Variants in CNTN6 observed in about 807,000 individuals in gnomAD.
CNTN6 encodes the protein contactin 6.
CNTN6 carries 137 observed loss-of-function variants against 122.8 expected under a neutral mutation model. The observed-to-expected ratio is 1.12, with a 90% CI of 0.97 to 1.29. The LOEUF (loss-of-function observed/expected upper bound fraction) is 1.29, where lower values mean the gene tolerates loss of function less well. Among genes scored for constraint, CNTN6 ranks in the 50% most tolerant of loss-of-function variants. CNTN6 has a pLI of 0.00. For missense variants in CNTN6, 1,634 were observed against 1,223.4 expected (o/e 1.34, Z -5.01); for synonymous variants, 570 against 426.0 (o/e 1.34, Z -4.16).
chr3:1,148,013 G>A lies in CNTN6; in HGVS notation c.5G>A (p.Arg2Lys), dbSNP rs147049142. The stretch of plus-strand genomic sequence containing the variant: ...TTTTGACCTTAGAAAGTGGAAATGA[G>A]GTTGCTATGGAAACTGGTAATTCTG... The part of the protein sequence containing the change: M[R>K]LLWKLVILLP... The change falls in exon 2 of 23, where the codon AGG (arginine) becomes AAG (lysine). Residue 2 changes from arginine (R) to lysine (K), a missense_variant. Transcript: ENST00000446702. 1.2e-4 allele frequency: 187 copies of A among 1,606,414 alleles called. No homozygotes were observed. In the African/African-American group the frequency reaches 2.2e-3, roughly 19 times the overall value.
intron 2 of CNTN6, among the ~76,000 whole-genome samples, chr3:1,151,452 A>G (rs1175780932): frequency 7.2e-6 from 1 of 138,196 alleles, no homozygotes; most frequent in African/African-American, 3.5e-5. Flanking sequence ...TAACGTTTTA[A>G]AAGTTTTAAA....
chr3:1,189,807 C>A (rs1297015958), intron 2 of CNTN6, among the ~76,000 whole-genome samples: 2 of 152,190 alleles, frequency 1.3e-5, no homozygotes, highest in Non-Finnish European at 2.9e-5. Flanking sequence ...ACCATCTCTA[C>A]TATAAAGTGA....
intron 3 of CNTN6, among the ~76,000 whole-genome samples, chr3:1,226,561 C>G (rs2094286484): frequency 6.6e-6 from 1 of 152,060 alleles, no homozygotes; most frequent in Non-Finnish European, 1.5e-5. Context: ...ACAGAGAAAT[C>G]AAGAAGAATT....
intron 4 of CNTN6, among the ~76,000 whole-genome samples, chr3:1,243,059 C>G (rs1575386687): frequency 6.6e-6 from 1 of 152,200 alleles, no homozygotes; most frequent in South Asian, 2.1e-4. Context: ...GGCAATCAGG[C>G]AGCGTCAGTC....
chr3:1,149,142 T>A (rs1471672577), intron 2 of CNTN6, among the ~76,000 whole-genome samples: 1 of 152,200 alleles, frequency 6.6e-6, no homozygotes, highest in Non-Finnish European at 1.5e-5. Context: ...GCAATAATCG[T>A]GGCTGTTTTT....
chr3:1,098,789 CATATATATAT>C (rs1169127167), intron 1 of CNTN6, among the ~76,000 whole-genome samples: 13 of 63,254 alleles, frequency 2.1e-4, no homozygotes, highest in African/African-American at 3.0e-4. Context: ...CACACACACA[CATATATATAT>C]ATATATATAT....
chr3:1,200,322 CCGTGCCTGGCTCAGCATGTATTTTTAAT>C (rs554563588), intron 2 of CNTN6, among the ~76,000 whole-genome samples: 3 of 152,332 alleles, frequency 2.0e-5, no homozygotes, highest in African/African-American at 7.2e-5. Context: ...GCGTAAGCCA[CCGTGCCTGGCTCAGCATGTATTTTTAAT>C]TCAGCTCTTT....
At chr3:1,340,159 C>G (rs1396295359) in intron 11 of CNTN6, among the ~76,000 whole-genome samples, 4 of 152,140 alleles carry the variant, frequency 2.6e-5, no homozygotes, top group Non-Finnish European at 4.4e-5. Flanking sequence ...TTCTGAGAAG[C>G]TCTGACTCAA....
chr3:1,313,497 C>T (rs1036777302), intron 7 of CNTN6, among the ~76,000 whole-genome samples: 1 of 152,072 alleles, frequency 6.6e-6, no homozygotes, highest in Non-Finnish European at 1.5e-5. Flanking sequence ...CCTGTGTACT[C>T]ATTCTTATTT....
chr3:1,317,237 T>G lies in CNTN6; in HGVS notation c.762-4413T>G, dbSNP rs572259841. ...ATCATTATTTTTTGATAATTTGTTGTTTTTTCTTGCTGTGAGGATTCTAAA... is the reference window on the plus strand; with the variant it reads ...ATCATTATTTTTTGATAATTTGTTGGTTTTTCTTGCTGTGAGGATTCTAAA... On this transcript the variant is annotated intron_variant, in intron 7 of 22. Transcript: ENST00000446702. 7.5e-5 allele frequency among the ~76,000 whole-genome samples: 10 copies of G among 133,552 alleles called. No homozygotes were observed. In the South Asian group the frequency reaches 2.1e-3, roughly 29 times the overall value. 87.6% of individuals were successfully genotyped at this position (133,552 alleles called of 152,430 possible).
chr3:1,258,017 A>G (rs1411659201), intron 4 of CNTN6, among the ~76,000 whole-genome samples: 3 of 152,218 alleles, frequency 2.0e-5, no homozygotes, highest in Admixed American at 1.3e-4. Flanking sequence ...TTATTTGGCT[A>G]TATGTTTGCC....
chr3:1,110,969 A>G (rs1186263042), intron 1 of CNTN6, among the ~76,000 whole-genome samples: 2 of 152,186 alleles, frequency 1.3e-5, no homozygotes, highest in African/African-American at 2.4e-5. Flanking sequence ...ACCACTTACT[A>G]CATGATTGGC....
chr3:1,369,338 A>C (rs1395303016), intron 12 of CNTN6, among the ~76,000 whole-genome samples: 1 of 149,208 alleles, frequency 6.7e-6, no homozygotes, highest in Non-Finnish European at 1.5e-5. Flanking sequence ...GTAGACGTTC[A>C]TCTCTGTGAA....
intron 5 of CNTN6, among the ~76,000 whole-genome samples, chr3:1,281,263 A>T (rs1693368843): frequency 6.6e-6 from 1 of 152,152 alleles, no homozygotes; most frequent in African/African-American, 2.4e-5. Flanking sequence ...TAAAGGCTCC[A>T]TATTTCCTAC....
At chr3:1,099,348 G>A (rs1459777648) in intron 1 of CNTN6, among the ~76,000 whole-genome samples, 2 of 152,058 alleles carry the variant, frequency 1.3e-5, no homozygotes, top group South Asian at 2.1e-4. Flanking sequence ...CTACTGGGGA[G>A]GCTGAGGCGG....
chr3:1,266,493 C>T (rs2094928249), intron 4 of CNTN6, among the ~76,000 whole-genome samples: 1 of 152,194 alleles, frequency 6.6e-6, no homozygotes, highest in South Asian at 2.1e-4. Context: ...AATGTTCTTG[C>T]TTCACGCTTC....
At chr3:1,270,850 C>A (rs1360996056) in intron 4 of CNTN6, among the ~76,000 whole-genome samples, 2 of 152,118 alleles carry the variant, frequency 1.3e-5, no homozygotes, top group African/African-American at 4.8e-5. Flanking sequence ...GGTGGTTAAG[C>A]GAATGCACTC....
At chr3:1,399,449 TAGTA>T (rs3836233) in intron 20 of CNTN6, among the ~76,000 whole-genome samples, 4,009 of 152,238 alleles carry the variant, frequency 0.026, 57 homozygotes, top group Non-Finnish European at 0.037. Flanking sequence ...AATGGATGCT[TAGTA>T]AGCTAAAAGC....
At chr3:1,119,323 G>GTGTGTGTGTGTGTGTGTGTGTGTT (rs2091859567) in intron 1 of CNTN6, among the ~76,000 whole-genome samples, 3 of 4,072 alleles carry the variant, frequency 7.4e-4, no homozygotes, top group African/African-American at 5.0e-3. Flanking sequence ...CAGAAAAATC[G>GTGTGTGTGTGTGTGTGTGTGTGTT]TGTGTGTGTG....
Sources: gnomAD v4.1 joint callset for allele counts (sites outside exome capture counted in the v4.1 genomes callset) on GRCh38, gnomAD v4.1.1 for gene constraint, MANE v1.5 for transcripts, NCBI Gene and HGNC (gene_info 2026-07-23, HGNC 2026-07-21) for gene names.